MEGF9: variants seen among roughly 807,000 people sequenced by gnomAD.
The protein encoded by MEGF9 is multiple EGF like domains 9, also known as multiple epidermal growth factor-like domains protein 9.
MEGF9 carries 6 observed loss-of-function variants against 46.8 expected under a neutral mutation model. That is an observed-to-expected ratio of 0.13 (90% CI 0.07 to 0.25). MEGF9 has a LOEUF of 0.25. Among genes scored for constraint, MEGF9 ranks in the 10% least tolerant of loss-of-function variants. MEGF9 has a pLI of 1.00. For missense variants in MEGF9, 683 were observed against 792.4 expected, an observed-to-expected ratio of 0.86 and a Z score of 1.66; for synonymous variants, 302 against 330.7, an observed-to-expected ratio of 0.91 and a Z score of 0.94.
At chr9:120,651,602 A>G (rs2043649658) in intron 2 of MEGF9, among the ~76,000 whole-genome samples, 1 of 152,302 alleles carries the variant, frequency 6.6e-6, no homozygotes, top group African/African-American at 2.4e-5. Flanking sequence ...ATTCAGTTTA[A>G]GCTATTATTA....
At position 120,605,843 on chromosome 9, in the gene MEGF9, C is replaced by T. The variant is rs2043418192; in HGVS notation, c.1358-202G>A. Among the ~76,000 whole-genome samples, 1 of 152,128 alleles carries T rather than the reference C, an allele frequency of 6.6e-6. No individual in the cohort carries two copies. Among genetic ancestry groups the T allele is most frequent in the Non-Finnish European group, 1.5e-5 (1 of 68,014 alleles). On this transcript the variant is annotated intron_variant, in intron 5 of 5. Transcript: ENST00000373930. This position sits in a 1 kb window ranked among gnomAD's most constrained non-coding sequence, Gnocchi z 4.0. ...CAGGGTCTAGAAAGCTAGATTATTA[C>T]ATCTATGGCTGTTTTCCAATATGTA...
In MEGF9 at chr9:120,711,040, T is replaced by C. The variant is rs575086090; in HGVS notation, c.601+2718A>G. On this transcript the variant is annotated intron_variant, in intron 1 of 5. Coordinates refer to ENST00000373930, the MANE Select transcript of MEGF9 (RefSeq NM_001080497.3). ...AAGTATAATGTTAGTTCATGAAAAT[T>C]ATTAAAAGCCTTGAACAACAGTTCA... Among the ~76,000 whole-genome samples, 45 of 152,326 alleles carry C rather than the reference T, an allele frequency of 3.0e-4. No homozygotes were observed. In the South Asian group the frequency reaches 8.5e-3, roughly 29 times the overall value.
intron 1 of MEGF9, among the ~76,000 whole-genome samples, chr9:120,664,501 C>G (rs970498700): frequency 2.0e-5 from 3 of 152,142 alleles, no homozygotes; most frequent in Non-Finnish European, 4.4e-5. Flanking sequence ...ATAACTATGT[C>G]CTCAGTCATG....
intron 1 of MEGF9, among the ~76,000 whole-genome samples, chr9:120,713,096 G>A (rs1302061190): frequency 1.3e-5 from 2 of 152,222 alleles, no homozygotes; most frequent in African/African-American, 2.4e-5. Context: ...GTGCGAGGAA[G>A]AGATTTAACC....
chr9:120,655,251 C>G (rs955075315), intron 2 of MEGF9, among the ~76,000 whole-genome samples: 4 of 152,172 alleles, frequency 2.6e-5, no homozygotes, highest in African/African-American at 9.7e-5. Flanking sequence ...GTACCCTAGA[C>G]AGGTGTGCCG....
intron 2 of MEGF9, among the ~76,000 whole-genome samples, chr9:120,637,147 A>T (rs2043580784): frequency 6.6e-6 from 1 of 152,206 alleles, no homozygotes; most frequent in Non-Finnish European, 1.5e-5. Context: ...TCTCTGAAAC[A>T]TGTGCTGTGT....
chr9:120,636,718 C>A (rs948543423), intron 2 of MEGF9, among the ~76,000 whole-genome samples: 2 of 152,146 alleles, frequency 1.3e-5, no homozygotes, highest in Non-Finnish European at 2.9e-5. Context: ...TCTGCCCAGC[C>A]GCGACCCCGT....
At chr9:120,664,341 A>C in intron 1 of MEGF9, among the ~76,000 whole-genome samples, 1 of 152,200 alleles carries the variant, frequency 6.6e-6, no homozygotes, top group Non-Finnish European at 1.5e-5. Context: ...TGTCCTAATG[A>C]ATGTGTCCTC....
At chr9:120,663,657 T>C (rs2043712476) in intron 1 of MEGF9, among the ~76,000 whole-genome samples, 1 of 152,150 alleles carries the variant, frequency 6.6e-6, no homozygotes, top group Non-Finnish European at 1.5e-5. Context: ...AATGAAACAA[T>C]ATGAAGAGGA....
chr9:120,612,092 C>T (rs1390590793), intron 4 of MEGF9, among the ~76,000 whole-genome samples: 1 of 152,004 alleles, frequency 6.6e-6, no homozygotes, highest in African/African-American at 2.4e-5. Flanking sequence ...TGCAATTAGT[C>T]AACATTATTC....
chr9:120,677,978 A>G (rs2043781013), intron 1 of MEGF9, among the ~76,000 whole-genome samples: 1 of 152,110 alleles, frequency 6.6e-6, no homozygotes. Flanking sequence ...CTCTATCTCT[A>G]TGAGTTCAAT....
intron 2 of MEGF9, among the ~76,000 whole-genome samples, chr9:120,636,791 C>T (rs150527008): frequency 0.02 from 2,988 of 152,042 alleles, 113 homozygotes; most frequent in African/African-American, 0.069. Flanking sequence ...CCCGTCCGCC[C>T]GGCAGCCGCC....
At chr9:120,610,215 C>CATAT (rs1271441353) in intron 4 of MEGF9, among the ~76,000 whole-genome samples, 1 of 152,158 alleles carries the variant, frequency 6.6e-6, no homozygotes, top group Non-Finnish European at 1.5e-5. Flanking sequence ...AGTGAAAAGG[C>CATAT]ATATATTCCT....
At chr9:120,684,361 G>A (rs1321037327) in intron 1 of MEGF9, among the ~76,000 whole-genome samples, 2 of 152,204 alleles carry the variant, frequency 1.3e-5, no homozygotes, top group Non-Finnish European at 2.9e-5. Context: ...TAATAGATTT[G>A]CAGTTTTCTA....
At chr9:120,699,419 AT>A (rs2043892862) in intron 1 of MEGF9, among the ~76,000 whole-genome samples, 1 of 152,036 alleles carries the variant, frequency 6.6e-6, no homozygotes, top group African/African-American at 2.4e-5. Flanking sequence ...GATTATTTTT[AT>A]AATTGTAAAA....
intron 1 of MEGF9, among the ~76,000 whole-genome samples, chr9:120,711,691 C>T (rs2043953597): frequency 6.6e-6 from 1 of 152,058 alleles, no homozygotes; most frequent in African/African-American, 2.4e-5. Flanking sequence ...CAGATACTAA[C>T]CAAAGTAAGT....
chr9:120,672,548 G>A (rs1052532352), intron 1 of MEGF9, among the ~76,000 whole-genome samples: 7 of 152,168 alleles, frequency 4.6e-5, no homozygotes, highest in African/African-American at 1.7e-4. Context: ...TTGAGCCCAG[G>A]AGGTCAAGGC....
intron 2 of MEGF9, among the ~76,000 whole-genome samples, chr9:120,645,627 G>C (rs1303693144): frequency 6.6e-6 from 1 of 152,152 alleles, no homozygotes; most frequent in Non-Finnish European, 1.5e-5. Context: ...CAAGAGGAGA[G>C]AGTACTTGAC....
At chr9:120,684,290 T>A (rs372071934) in intron 1 of MEGF9, among the ~76,000 whole-genome samples, 1 of 152,234 alleles carries the variant, frequency 6.6e-6, no homozygotes, top group Admixed American at 6.5e-5. Flanking sequence ...GCTTGCTTTC[T>A]GAATAAACAC....
Sources: allele counts gnomAD v4.1 joint callset (sites outside exome capture counted in the v4.1 genomes callset), GRCh38; gene constraint gnomAD v4.1.1; non-coding constraint Gnocchi (gnomAD v3.1); transcripts MANE v1.5; gene names NCBI Gene and HGNC (gene_info 2026-07-23, HGNC 2026-07-21).